UNC13B: variants seen among roughly 807,000 people sequenced by gnomAD.
UNC13B encodes unc-13 homolog B, also known as protein unc-13 homolog B.
In UNC13B, 144 loss-of-function variants were observed where a neutral mutation model predicts 211.0. The observed-to-expected ratio is 0.68, with a 90% CI of 0.60 to 0.78. UNC13B has a LOEUF of 0.78. UNC13B is among the 30% of genes least tolerant of loss of function. UNC13B has a pLI of 0.00. For missense variants in UNC13B, 1,777 were observed against 2,002.0 expected (o/e 0.89, Z 2.14); for synonymous variants, 709 against 725.8 (o/e 0.98, Z 0.37).
chr9:35,272,554 G>A (rs867178182), intron 7 of UNC13B, among the ~76,000 whole-genome samples: 1 of 151,984 alleles, frequency 6.6e-6, no homozygotes, highest in African/African-American at 2.4e-5. Context: ...CACCACGCCC[G>A]GCCTGTTTTA....
rs1830027919 is a variant in UNC13B at position 35,308,386 on chromosome 9, C to T, written c.8982C>T (p.Asp2994=). Residue 2994 remains aspartate (D), a synonymous_variant, in exon 9 of 40, where the codon GAC becomes GAT. Transcript: ENST00000635942. ...LNVQQPVTLN[D]IKEPMTNKSP... is the part of the protein sequence containing the mutation. ...TACAGCAGCCAGTCACTCTGAATGA[C>T]ATCAAGGAGCCCATGACCAACAAAA... 1 of 398,954 alleles carries T rather than the reference C, an allele frequency of 2.5e-6. No individual in the cohort carries two copies. Among genetic ancestry groups the T allele is most frequent in the Non-Finnish European group, 4.4e-6 (1 of 226,082 alleles). The allele number at this position is 398,954 out of a possible 1,614,324, so 24.7% of individuals were successfully genotyped here. A position where few individuals can be genotyped will look rare whatever the true frequency, so the allele number is the denominator to read the frequency against.
At chr9:35,168,514 G>T (rs1350797550) in intron 1 of UNC13B, among the ~76,000 whole-genome samples, 1 of 152,032 alleles carries the variant, frequency 6.6e-6, no homozygotes, top group Non-Finnish European at 1.5e-5. Flanking sequence ...TACTCAGTTG[G>T]ACCAAATGCC....
At chr9:35,341,615 G>A (rs1158719917) in intron 11 of UNC13B, among the ~76,000 whole-genome samples, 3 of 152,136 alleles carry the variant, frequency 2.0e-5, no homozygotes, top group African/African-American at 7.2e-5. Context: ...TGTGAGAGAG[G>A]TGGATAGGGG....
rs778784397 is a variant in UNC13B, at chr9:35,378,424, A to C, written c.10193A>C (p.Glu3398Ala). 1.2e-6 allele frequency: 2 copies of C among 1,614,148 alleles called. No individual in the cohort carries two copies. The highest frequency in any genetic ancestry group is 1.7e-6 in the Non-Finnish European group (2 of 1,180,022). The change falls in exon 17 of 40, where the codon GAG (glutamate) becomes GCG (alanine). Residue 3398 changes from glutamate (E) to alanine (A), a missense_variant. Transcript: ENST00000635942. ...IFGNLNPVWE[E>A]KFHFECHNSS... ...GGAAACTTGAATCCTGTTTGGGAGG[A>C]GAAGTTCCATTTGTAAGTCACAGAG...
chr9:35,377,426 TTGGTCTGGTAGG>T, intron 15 of UNC13B, 30 bp from the exon 16 acceptor site: 1 of 1,603,668 alleles, frequency 6.2e-7, no homozygotes, highest in East Asian at 2.2e-5. Flanking sequence ...AGCTCAACCC[TTGGTCTGGTAGG>T]TGACCTGTTG....
At chr9:35,203,147 C>G (rs1333223186) in intron 1 of UNC13B, among the ~76,000 whole-genome samples, 1 of 152,090 alleles carries the variant, frequency 6.6e-6, no homozygotes, top group African/African-American at 2.4e-5. Context: ...GAATATTTAG[C>G]CCATTTACAT....
intron 9 of UNC13B, among the ~76,000 whole-genome samples, chr9:35,309,477 CTG>C (rs1363754063): frequency 6.6e-6 from 1 of 152,088 alleles, no homozygotes; most frequent in Non-Finnish European, 1.5e-5. Context: ...AGGCTTGACT[CTG>C]TGGTAAGAAA....
intron 1 of UNC13B, among the ~76,000 whole-genome samples, chr9:35,169,955 C>A (rs1204157753): frequency 6.6e-6 from 1 of 152,048 alleles, no homozygotes; most frequent in Non-Finnish European, 1.5e-5. Flanking sequence ...ATGTTTATGA[C>A]ACAAATCTGT....
intron 1 of UNC13B, among the ~76,000 whole-genome samples, chr9:35,211,868 G>A (rs958201134): frequency 1.3e-5 from 2 of 152,198 alleles, no homozygotes; most frequent in Admixed American, 6.5e-5. Context: ...GGCTGAGGCG[G>A]GAGGATGGCT....
At position 35,399,371 on chromosome 9, in the gene UNC13B, A is replaced by C. The variant is rs749256724; in HGVS notation, c.12199-21A>C. The C allele has an allele frequency of 6.2e-6, 10 of 1,613,658 alleles. No individual in the cohort carries two copies. In the South Asian group the frequency reaches 1.1e-4, roughly 18 times the overall value. On this transcript the variant is annotated intron_variant, in intron 34 of 39. Coordinates refer to ENST00000635942, the MANE Select transcript of UNC13B (RefSeq NM_001371189.2). ...ATGGAGTTGGGGTCCTCTGCTTTTG[A>C]CTGATTCCCTCTCTGCCCAGGGCAC...
chr9:35,218,552 A>T (rs1046519961), intron 1 of UNC13B, among the ~76,000 whole-genome samples: 3 of 151,450 alleles, frequency 2.0e-5, no homozygotes, highest in South Asian at 2.1e-4. Flanking sequence ...TATTATTATT[A>T]TTTTTAATTA....
intron 1 of UNC13B, among the ~76,000 whole-genome samples, chr9:35,170,868 G>A (rs77068572): frequency 0.031 from 4,707 of 151,946 alleles, 104 homozygotes; most frequent in Non-Finnish European, 0.047. Flanking sequence ...GTGCCATGGT[G>A]CTAATCAGGG....
At chr9:35,344,068 C>A (rs1348941414) in intron 11 of UNC13B, among the ~76,000 whole-genome samples, 1 of 152,094 alleles carries the variant, frequency 6.6e-6, no homozygotes, top group Non-Finnish European at 1.5e-5. Flanking sequence ...GCTCTAAACT[C>A]ACCCATCACT....
chr9:35,396,666 C>G, intron 27 of UNC13B, 64 bp downstream of exon 27: 2 of 1,605,742 alleles, frequency 1.2e-6, no homozygotes, highest in Admixed American at 1.7e-5. Context: ...GCTAGTATCC[C>G]CAATTCATTT....
chr9:35,207,726 G>A (rs879566023), intron 1 of UNC13B, among the ~76,000 whole-genome samples: 1 of 151,982 alleles, frequency 6.6e-6, no homozygotes, highest in Non-Finnish European at 1.5e-5. Flanking sequence ...TTATTGAATT[G>A]TATGTGTTCT....
chr9:35,399,771 T>C (rs778714032), intron 36 of UNC13B, 42 bp downstream of exon 36: 64 of 1,601,218 alleles, frequency 4.0e-5, no homozygotes, highest in Admixed American at 3.3e-5. Flanking sequence ...ACCACCACAC[T>C]CACTTGGCCC....
chr9:35,298,291 A>G (rs1822465522), intron 8 of UNC13B, among the ~76,000 whole-genome samples: 1 of 152,186 alleles, frequency 6.6e-6, no homozygotes, highest in African/African-American at 2.4e-5. Context: ...GTGGTGGCGC[A>G]TGCCTATGGT....
At chr9:35,237,295 C>G (rs374940060) in intron 4 of UNC13B, among the ~76,000 whole-genome samples, 1 of 152,104 alleles carries the variant, frequency 6.6e-6, no homozygotes, top group Admixed American at 6.6e-5. Flanking sequence ...AGTCTCTACT[C>G]CCCAGGCAGA....
intron 1 of UNC13B, among the ~76,000 whole-genome samples, chr9:35,226,372 A>ATG (rs982208306): frequency 4.6e-5 from 7 of 151,442 alleles, no homozygotes; most frequent in East Asian, 1.9e-4. Context: ...GTGTGTGTGT[A>ATG]TGTGTGTGTG....
Sources: allele counts gnomAD v4.1 joint callset (sites outside exome capture counted in the v4.1 genomes callset), GRCh38; gene constraint gnomAD v4.1.1; transcripts MANE v1.5; gene names NCBI Gene and HGNC (gene_info 2026-07-23, HGNC 2026-07-21).